Variants in MAP4K1 observed in about 807,000 individuals in gnomAD.
MAP4K1 encodes the protein MAPK/ERK kinase kinase kinase 1.
In MAP4K1, 35 loss-of-function variants were observed where a neutral mutation model predicts 122.8. The ratio of observed to expected loss-of-function variants is 0.29; its 90% confidence interval spans 0.22 to 0.38. MAP4K1 has a LOEUF of 0.38. Among genes scored for constraint, MAP4K1 ranks in the 10% least tolerant of loss-of-function variants. The pLI, the probability that MAP4K1 is intolerant of heterozygous loss-of-function variation, is 1.00. For synonymous variants in MAP4K1, 412 were observed against 421.3 expected (o/e 0.98, Z 0.27); for missense variants, 791 against 1,072.6 (o/e 0.74, Z 3.67).
chr19:38,601,897 C>G (rs959876666), intron 19 of MAP4K1, among the ~76,000 whole-genome samples: 1 of 151,872 alleles, frequency 6.6e-6, no homozygotes, highest in African/African-American at 2.4e-5. Flanking sequence ...CATGCCTAAG[C>G]CTTCTGAGTA....
Position 38,587,995 on chromosome 19 carries a change from T to A in MAP4K1, c.2397-178A>T, listed in dbSNP as rs544448665. Among the ~76,000 whole-genome samples the A allele has an allele frequency of 7.2e-5, 11 of 152,280 alleles. No individual in the cohort carries two copies. The South Asian group carries it at 2.1e-3, about 29-fold the overall frequency. On this transcript the variant is annotated intron_variant, in intron 30 of 30. Transcript: ENST00000396857. ...TTCTAGAGAAGGAGATCAACATGAA[T>A]CAGTGAATTACATGAGTGCAAAAAA...
chr19:38,602,192 C>T (rs547104560), intron 19 of MAP4K1, among the ~76,000 whole-genome samples: 2 of 152,268 alleles, frequency 1.3e-5, no homozygotes, highest in East Asian at 1.9e-4. Context: ...TCTTCTGCCT[C>T]AGCCTCCTGA....
At chr19:38,605,355 A>AC in intron 19 of MAP4K1, 54 bp downstream of exon 19, 5 of 722,282 alleles carry the variant, frequency 6.9e-6, no homozygotes, top group Non-Finnish European at 9.2e-6. Context: ...CCACCCCACC[A>AC]GGCATCCCCA....
In MAP4K1 at chr19:38,599,989, C is replaced by T. The variant is rs1975012088; in HGVS notation, c.1609-4G>A. 1 of 1,614,218 alleles carries T rather than the reference C, an allele frequency of 6.2e-7. No homozygotes were observed. ...ACGTAGTCCGGCTAGGAAAGAGCTG[C>T]AGGGAATGGGAGAGATGGCTCTGGT... On this transcript the variant is annotated splice_polypyrimidine_tract_variant and splice_region_variant and intron_variant, in intron 21 of 30. Transcript: ENST00000396857.
At chr19:38,600,008 C>T (rs1329221388) in intron 21 of MAP4K1, 23 bp from the exon 22 acceptor site, 1 of 1,614,146 alleles carries the variant, frequency 6.2e-7, no homozygotes, top group African/African-American at 1.3e-5. Context: ...GGAGAGATGG[C>T]TCTGGTGACA....
Position 38,605,705 on chromosome 19 carries a change from T to C in MAP4K1, c.1226A>G (p.Glu409Gly), listed in dbSNP as rs1975308498. The C allele has an allele frequency of 6.2e-7, 1 of 1,607,038 alleles. No homozygotes were observed. Residue 409 changes from glutamate to glycine, a missense_variant, in exon 18 of 31, where the codon GAG (glutamate) becomes GGG (glycine). This residue lies in a region of MAP4K1 where 303 missense variants were observed against 344.8 expected (regional missense o/e 0.88). Transcript: ENST00000396857. The part of the protein sequence containing the change: ...PKPKFRSPSD[E>G]GPGSMGDDGQ... ...ATCATCCCCCATGCTCCCAGGACCC[T>C]CGTCTGATGGAGAACGGAACTTGGG... is the stretch of plus-strand genomic sequence containing the variant.
rs1468622925 is a variant in MAP4K1 at position 38,605,844 on chromosome 19, A to AC, written c.1201-115dup. 944 of 943,760 alleles carry AC rather than the reference A, an allele frequency of 1.0e-3. 4 individuals carry two copies. The highest frequency in any genetic ancestry group is 6.3e-3 in the African/African-American group (330 of 52,260). The allele number at this position is 943,760 out of a possible 1,614,324, so 58.5% of individuals were successfully genotyped here. A position where few individuals can be genotyped will look rare whatever the true frequency, so the allele number is the denominator to read the frequency against. ...GAACTAACAGCTGTGGCTCTGACCC[A>AC]CCCCCCCGACAACATCTTGTGCCCC... is the stretch of plus-strand genomic sequence containing the variant. On this transcript the variant is annotated intron_variant, in intron 17 of 30. Transcript: ENST00000396857.
chr19:38,611,664 C>G (rs1035104175), intron 9 of MAP4K1, among the ~76,000 whole-genome samples: 7 of 151,964 alleles, frequency 4.6e-5, no homozygotes, highest in Admixed American at 4.6e-4. Context: ...TCTGTAGGAC[C>G]AGCTATGTGA....
Position 38,614,034 on chromosome 19 carries a change from C to T in MAP4K1, c.460+9G>A, listed in dbSNP as rs1225666763. 6.2e-7 allele frequency: 1 copy of T among 1,613,318 alleles called. No homozygotes were observed. The highest frequency in any genetic ancestry group is 1.3e-5 in the African/African-American group (1 of 74,812). On this transcript the variant is annotated intron_variant, in intron 7 of 30. Transcript: ENST00000396857. The stretch of plus-strand genomic sequence containing the variant: ...TCAGCCCCCCTGCTCAACCCCCAGC[C>T]TTACTCACCCAATCTGACCTCCCCA...
intron 22 of MAP4K1, among the ~76,000 whole-genome samples, chr19:38,598,629 G>A (rs192609397): frequency 1.7e-4 from 26 of 152,162 alleles, no homozygotes; most frequent in African/African-American, 4.3e-4. Flanking sequence ...ACTGCACCCC[G>A]TCCAGATTTT....
In MAP4K1 at chr19:38,596,411, C is replaced by G; in HGVS notation, c.2017G>C (p.Val673Leu). 1 of 1,594,552 alleles carries G rather than the reference C, an allele frequency of 6.3e-7. No individual in the cohort carries two copies. The highest frequency in any genetic ancestry group is 8.5e-7 in the Non-Finnish European group (1 of 1,174,608). ...LTGPGSELPA[V>L]CIGVSPGRPG... ...CGCCCGGGGCTCACGCCGATGCACACAGCGGGCAGCTCAGAGCCTGGCCCG... is the reference window on the plus strand; with the variant it reads ...CGCCCGGGGCTCACGCCGATGCACAGAGCGGGCAGCTCAGAGCCTGGCCCG... The change falls in exon 26 of 31, where the codon GTG becomes CTG. Residue 673 changes from valine (V) to leucine (L), a missense_variant. Around this residue, in one of 4 missense-constraint regions of MAP4K1, gnomAD observed 267 missense variants for 323.0 expected, o/e 0.83. Coordinates refer to ENST00000396857, the MANE Select transcript of MAP4K1 (RefSeq NM_001042600.3).
At position 38,597,357 on chromosome 19, in the gene MAP4K1, C is replaced by G; in HGVS notation, c.1806G>C (p.Gln602His). Residue 602 changes from glutamine (Q) to histidine (H), a missense_variant, in exon 24 of 31, where the codon CAG becomes CAC. Physicochemically the swap from Gln to His is conservative, Grantham distance 24. Transcript: ENST00000396857. This position sits in a 1 kb window ranked among gnomAD's most constrained non-coding sequence, Gnocchi z 4.6. Reference sequence around the variant, plus strand: ...AGCACGCCCGGCAGCCTTTGGTGTCCTGGATCTTGGTGGAAACCATGTTCT... The same window carrying G: ...AGCACGCCCGGCAGCCTTTGGTGTCGTGGATCTTGGTGGAAACCATGTTCT... Reference protein sequence around the residue: ...ARKNMVSTKIQDTKGCRACCV... With the variant: ...ARKNMVSTKIHDTKGCRACCV... The G allele has an allele frequency of 1.2e-6, 2 of 1,614,090 alleles. No homozygotes were observed. The highest frequency in any genetic ancestry group is 1.7e-6 in the Non-Finnish European group (2 of 1,180,046).
Position 38,613,905 on chromosome 19 carries a change from G to A in MAP4K1, c.508C>T (p.Leu170Phe). 1 of 1,612,932 alleles carries A rather than the reference G, an allele frequency of 6.2e-7. No homozygotes were observed. The highest frequency in any genetic ancestry group is 8.5e-7 in the Non-Finnish European group (1 of 1,179,550). ...CAGTAGGGTGTCCCAATGAAAGAGA[G>A]GCGTCTGGCCAGTGTAGCCCCAATC... ...AQIGATLARR[L>F]SFIGTPYWMA... is the part of the protein sequence containing the mutation. Residue 170 changes from leucine (L) to phenylalanine (F), a missense_variant, in exon 8 of 31, where the codon CTC becomes TTC. By Grantham distance (22) the Leu-to-Phe change is conservative (BLOSUM62 0). Transcript: ENST00000396857.
intron 16 of MAP4K1, 54 bp downstream of exon 16, chr19:38,607,810 G>GGAAGGT (rs1343024462): frequency 6.3e-7 from 1 of 1,583,330 alleles, no homozygotes; most frequent in African/African-American, 1.3e-5. Flanking sequence ...GGGGATTGTA[G>GGAAGGT]GAAGGTGGGG....
intron 3 of MAP4K1, among the ~76,000 whole-genome samples, chr19:38,616,526 C>T (rs1284363344): frequency 2.0e-5 from 3 of 152,102 alleles, no homozygotes; most frequent in African/African-American, 4.8e-5. Flanking sequence ...TGCCGTCCCA[C>T]GCCAACCTAG....
At chr19:38,606,083 G>T in intron 17 of MAP4K1, 90 bp downstream of exon 17, 1 of 1,033,630 alleles carries the variant, frequency 9.7e-7, no homozygotes, top group Non-Finnish European at 1.5e-6. Flanking sequence ...CTGCCCTGGA[G>T]AGCCCAGTAT....
In MAP4K1 at chr19:38,596,009, G is replaced by A; in HGVS notation, c.2117-8C>T. 3.7e-6 allele frequency: 6 copies of A among 1,613,636 alleles called. No individual in the cohort carries two copies. Among genetic ancestry groups the A allele is most frequent in the Non-Finnish European group, 5.1e-6 (6 of 1,179,806 alleles). The stretch of plus-strand genomic sequence containing the variant: ...GCACGGGTCCCCTGTGCTCTGTTTG[G>A]GGGGAGTGGGTTAAGGATTGACCCC... On this transcript the variant is annotated splice_region_variant and splice_polypyrimidine_tract_variant and intron_variant, in intron 26 of 30. Coordinates refer to ENST00000396857, the MANE Select transcript of MAP4K1 (RefSeq NM_001042600.3).
chr19:38,616,163 G>A, intron 4 of MAP4K1, 32 bp downstream of exon 4: 1 of 1,583,408 alleles, frequency 6.3e-7, no homozygotes, highest in Non-Finnish European at 8.6e-7. Flanking sequence ...GGATAGGGAG[G>A]GGTGCTTGGG....
chr19:38,603,555 C>G (rs529075290), intron 19 of MAP4K1, among the ~76,000 whole-genome samples: 2 of 151,934 alleles, frequency 1.3e-5, no homozygotes, highest in African/African-American at 4.8e-5. Context: ...TACTTTTAGC[C>G]GGTAGCCAAC....
Sources: gnomAD v4.1 joint callset for allele counts (sites outside exome capture counted in the v4.1 genomes callset) on GRCh38, gnomAD v4.1.1 for gene constraint, gnomAD v4.1.1 regional missense constraint, Gnocchi (gnomAD v3.1) non-coding constraint, MANE v1.5 for transcripts, NCBI Gene and HGNC (gene_info 2026-07-23, HGNC 2026-07-21) for gene names.